The following VEPH1 variants were observed in gnomAD, a reference collection of about 807,000 sequenced individuals.
The protein encoded by VEPH1 is ventricular zone-expressed PH domain-containing protein homolog 1.
Under a neutral mutation model 85.2 loss-of-function variants are expected in VEPH1, and 80 were observed. That is an observed-to-expected ratio of 0.94 (90% CI 0.78 to 1.13). VEPH1 has a LOEUF of 1.13. Among genes scored for constraint, VEPH1 ranks in the 50% most tolerant of loss-of-function variants. The pLI, the probability that VEPH1 is intolerant of heterozygous loss-of-function variation, is 0.00. For synonymous variants in VEPH1, 297 were observed against 348.0 expected (o/e 0.85, Z 1.63); for missense variants, 955 against 980.5 (o/e 0.97, Z 0.35).
At chr3:157,387,272 C>T (rs1202368841) in intron 6 of VEPH1, among the ~76,000 whole-genome samples, 1 of 152,156 alleles carries the variant, frequency 6.6e-6, no homozygotes, top group African/African-American at 2.4e-5. Flanking sequence ...CAGAACACAA[C>T]TCAGAAAATG....
At chr3:157,357,127 A>G (rs1459743665) in intron 9 of VEPH1, among the ~76,000 whole-genome samples, 1 of 152,190 alleles carries the variant, frequency 6.6e-6, no homozygotes. Context: ...TTTTCTTTTA[A>G]TGTGGTGACT....
chr3:157,403,434 A>G (rs1730915689), intron 6 of VEPH1, among the ~76,000 whole-genome samples: 1 of 152,158 alleles, frequency 6.6e-6, no homozygotes, highest in African/African-American at 2.4e-5. Flanking sequence ...ATTTTTGCCT[A>G]TTAAAGGATC....
At chr3:157,452,980 G>A (rs1735097014) in intron 4 of VEPH1, among the ~76,000 whole-genome samples, 1 of 152,186 alleles carries the variant, frequency 6.6e-6, no homozygotes, top group Non-Finnish European at 1.5e-5. Context: ...GGTGGCTCAT[G>A]ACCTAAGCCT....
rs79552419 is a variant in VEPH1 at position 157,438,618 on chromosome 3, T to C, written c.530-10130A>G. ...TGTAGGAGCCAATCCGTGTAGGGGA[T>C]CCCAGCTCCACCCCAGGGATTCAGA... On this transcript the variant is annotated intron_variant, in intron 4 of 13. Transcript: ENST00000362010. Among the ~76,000 whole-genome samples, 80 of 151,934 alleles carry C rather than the reference T, an allele frequency of 5.3e-4. 1 individual carries two copies. In the East Asian group the frequency reaches 0.015, roughly 29 times the overall value.
intron 5 of VEPH1, among the ~76,000 whole-genome samples, chr3:157,425,133 CT>C (rs1204086840): frequency 2.0e-5 from 3 of 152,228 alleles, no homozygotes; most frequent in Non-Finnish European, 4.4e-5. Flanking sequence ...CAAAGTACAG[CT>C]CGGGCCATGA....
rs1221375748 is a variant in VEPH1, at chr3:157,363,734, C to T, written c.1365G>A (p.Met455Ile). 1.9e-6 allele frequency: 3 copies of T among 1,613,446 alleles called. No individual in the cohort carries two copies. Among genetic ancestry groups the T allele is most frequent in the South Asian group, 2.2e-5 (2 of 91,038 alleles). Residue 455 changes from methionine (M) to isoleucine (I), a missense_variant, in exon 9 of 14, where the codon ATG (methionine) becomes ATA (isoleucine). Physicochemically the swap from Met to Ile is conservative, Grantham distance 10 (BLOSUM62 1). Transcript: ENST00000362010. Reference protein sequence around the residue: ...NRSKSLAFHTMLTKGVGSDDG... With the variant: ...NRSKSLAFHTILTKGVGSDDG... ...CATCTGAACCCACACCCTTTGTGAG[C>T]ATAGTGTGGAAAGCCAAACTTTTTG...
chr3:157,360,294 T>C (rs1409580202), intron 9 of VEPH1, among the ~76,000 whole-genome samples: 1 of 152,158 alleles, frequency 6.6e-6, no homozygotes, highest in Admixed American at 6.5e-5. Context: ...TTTTTGATCC[T>C]TCACACATAT....
intron 3 of VEPH1, among the ~76,000 whole-genome samples, chr3:157,464,070 GT>G (rs1736139761): frequency 6.6e-6 from 1 of 152,166 alleles, no homozygotes; most frequent in South Asian, 2.1e-4. Flanking sequence ...GATCAAACAT[GT>G]GGTGTTTAGA....
intron 10 of VEPH1, among the ~76,000 whole-genome samples, chr3:157,316,792 A>T (rs1341739666): frequency 6.6e-6 from 1 of 152,108 alleles, no homozygotes; most frequent in Non-Finnish European, 1.5e-5. Flanking sequence ...GCTGTTGTTT[A>T]ACCAAAGATA....
chr3:157,343,074 A>C (rs1255989811), intron 9 of VEPH1, among the ~76,000 whole-genome samples: 1 of 152,230 alleles, frequency 6.6e-6, no homozygotes, highest in African/African-American at 2.4e-5. Context: ...AAGAGAAAGC[A>C]GGAAAGATCT....
intron 1 of VEPH1, among the ~76,000 whole-genome samples, chr3:157,502,793 G>A (rs1740217722): frequency 6.6e-6 from 1 of 152,106 alleles, no homozygotes. Context: ...AAACACCAAA[G>A]GAAAAAACGG....
chr3:157,334,985 A>G (rs1410248812), intron 9 of VEPH1, among the ~76,000 whole-genome samples: 2 of 152,194 alleles, frequency 1.3e-5, no homozygotes, highest in Non-Finnish European at 2.9e-5. Flanking sequence ...TTTCTCATTC[A>G]TAAAATGAGG....
At position 157,460,173 on chromosome 3, in the gene VEPH1, C is replaced by T. The variant is rs762088920; in HGVS notation, c.529+8G>A. ...AACATGTCCCCAAGCTCAACTTTCG[C>T]ACCATACCTTGGAGTATGCTCTTTA... On this transcript the variant is annotated splice_region_variant and intron_variant, in intron 4 of 13. Coordinates refer to ENST00000362010, the MANE Select transcript of VEPH1 (RefSeq NM_001167912.2). The T allele has an allele frequency of 2.2e-5, 35 of 1,614,116 alleles. No homozygotes were observed. Among genetic ancestry groups the T allele is most frequent in the Non-Finnish European group, 2.9e-5 (34 of 1,180,046 alleles).
intron 4 of VEPH1, among the ~76,000 whole-genome samples, chr3:157,459,268 C>G (rs1195167981): frequency 6.6e-6 from 1 of 152,204 alleles, no homozygotes; most frequent in African/African-American, 2.4e-5. Context: ...TGGAAGAGGA[C>G]AGCACCCCAC....
intron 7 of VEPH1, among the ~76,000 whole-genome samples, chr3:157,371,811 G>A (rs1727521277): frequency 6.6e-6 from 1 of 152,134 alleles, no homozygotes; most frequent in Non-Finnish European, 1.5e-5. Flanking sequence ...CGAGGTAAAG[G>A]TACATTTTCG....
chr3:157,385,436 C>A (rs1365409413), intron 6 of VEPH1, among the ~76,000 whole-genome samples: 3 of 151,988 alleles, frequency 2.0e-5, no homozygotes, highest in African/African-American at 7.2e-5. Flanking sequence ...GATCAAAGAT[C>A]CCAGAGTTTT....
At chr3:157,295,774 G>A (rs1027576501) in intron 11 of VEPH1, among the ~76,000 whole-genome samples, 3 of 152,142 alleles carry the variant, frequency 2.0e-5, no homozygotes, top group Admixed American at 1.3e-4. Context: ...GGCCAACATG[G>A]TGAAACCCCA....
At chr3:157,447,155 G>A (rs1734616623) in intron 4 of VEPH1, among the ~76,000 whole-genome samples, 1 of 152,180 alleles carries the variant, frequency 6.6e-6, no homozygotes, top group African/African-American at 2.4e-5. Flanking sequence ...TCCATTGTGG[G>A]TAAGTCATTT....
intron 3 of VEPH1, among the ~76,000 whole-genome samples, chr3:157,469,571 A>T (rs1003589360): frequency 6.6e-6 from 1 of 152,234 alleles, no homozygotes; most frequent in East Asian, 1.9e-4. Context: ...TTAGTATGCC[A>T]TGAAACATTG....
Sources: gnomAD v4.1 joint callset for allele counts (sites outside exome capture counted in the v4.1 genomes callset) on GRCh38, gnomAD v4.1.1 for gene constraint, MANE v1.5 for transcripts, NCBI Gene and HGNC (gene_info 2026-07-23, HGNC 2026-07-21) for gene names.